RAB7B: variants seen among roughly 807,000 people sequenced by gnomAD.
RAB7B encodes the protein ras-related protein Rab-7b.
intron 5 of RAB7B, among the ~76,000 whole-genome samples, chr1:205,980,602 C>T (rs961240524): frequency 1.5e-4 from 23 of 152,206 alleles, no homozygotes; most frequent in Admixed American, 8.5e-4. Flanking sequence ...CCTCAGTGGC[C>T]TTGCCTTAAG....
chr1:205,981,380 T>G (rs1157774287), intron 5 of RAB7B, among the ~76,000 whole-genome samples: 2 of 152,250 alleles, frequency 1.3e-5, no homozygotes, highest in Non-Finnish European at 2.9e-5. Context: ...GAATGTTAAC[T>G]GAACACCTAC....
chr1:205,994,868 C>A (rs1660783516), intron 1 of RAB7B, among the ~76,000 whole-genome samples: 2 of 152,148 alleles, frequency 1.3e-5, no homozygotes, highest in South Asian at 4.1e-4. Flanking sequence ...AATTATTAAG[C>A]AGTCATTAAA....
At chr1:205,985,088 C>T (rs1173341532) in intron 5 of RAB7B, among the ~76,000 whole-genome samples, 9 of 152,222 alleles carry the variant, frequency 5.9e-5, no homozygotes, top group Non-Finnish European at 1.2e-4. Context: ...CTTGCCGAAC[C>T]TTCGTACCTA....
chr1:205,987,553 C>T (rs1039533424), intron 4 of RAB7B, among the ~76,000 whole-genome samples: 8 of 152,158 alleles, frequency 5.3e-5, no homozygotes, highest in South Asian at 2.1e-4. Context: ...GTATTACTAA[C>T]GTTAATTACT....
chr1:205,990,961 C>T (rs947735428), intron 4 of RAB7B, among the ~76,000 whole-genome samples: 7,441 of 151,762 alleles, frequency 0.049, 616 homozygotes, highest in African/African-American at 0.17. Context: ...TTAGTAGAGG[C>T]GGGGTTTCAC....
chr1:205,982,316 C>A (rs1271107273), intron 5 of RAB7B, among the ~76,000 whole-genome samples: 1 of 152,210 alleles, frequency 6.6e-6, no homozygotes, highest in Non-Finnish European at 1.5e-5. Flanking sequence ...TTTCTCCCTG[C>A]ATTTGATCAT....
At chr1:206,000,988 T>A (rs922150825) in intron 1 of RAB7B, among the ~76,000 whole-genome samples, 1 of 152,174 alleles carries the variant, frequency 6.6e-6, no homozygotes, top group South Asian at 2.1e-4. Context: ...TTCCACCCCC[T>A]CCCTGGTTCC....
At chr1:205,998,802 A>G (rs1660847728) in intron 1 of RAB7B, among the ~76,000 whole-genome samples, 1 of 152,254 alleles carries the variant, frequency 6.6e-6, no homozygotes, top group African/African-American at 2.4e-5. Flanking sequence ...TAATACATTG[A>G]ACACATAGAA....
intron 1 of RAB7B, among the ~76,000 whole-genome samples, chr1:205,999,605 A>G (rs1330590187): frequency 6.6e-6 from 1 of 152,208 alleles, no homozygotes; most frequent in Non-Finnish European, 1.5e-5. Flanking sequence ...TTCTCATTCT[A>G]GGAATCTGTC....
At chr1:206,003,079 C>T (rs1660914249) in intron 1 of RAB7B, among the ~76,000 whole-genome samples, 174 bp downstream of exon 1, 2 of 152,216 alleles carry the variant, frequency 1.3e-5, no homozygotes, top group Non-Finnish European at 2.9e-5. Flanking sequence ...TGCTGCCACA[C>T]CCTGGGAGCT....
intron 4 of RAB7B, among the ~76,000 whole-genome samples, chr1:205,986,037 T>C (rs968288948): frequency 2.6e-5 from 4 of 152,262 alleles, no homozygotes; most frequent in Non-Finnish European, 4.4e-5. Context: ...CTTTGTTGCC[T>C]TCCTAAGGCC....
At chr1:206,001,011 G>A (rs1660881705) in intron 1 of RAB7B, among the ~76,000 whole-genome samples, 1 of 152,168 alleles carries the variant, frequency 6.6e-6, no homozygotes, top group Non-Finnish European at 1.5e-5. Flanking sequence ...TCCCCTAGAT[G>A]CTCACTCAGG....
chr1:205,993,311 G>T, intron 3 of RAB7B, 109 bp downstream of exon 3: 1 of 395,002 alleles, frequency 2.5e-6, no homozygotes. Context: ...GCTCATCTCT[G>T]CTCTAGACCA....
chr1:205,993,789 G>T (rs1394214537), intron 2 of RAB7B, among the ~76,000 whole-genome samples: 1 of 152,222 alleles, frequency 6.6e-6, no homozygotes, highest in Non-Finnish European at 1.5e-5. Flanking sequence ...ATCTCACAGT[G>T]GTGGTCAGGT....
rs1660865105 is a variant in RAB7B at position 205,999,895 on chromosome 1, G to A, written c.-17+3358C>T. On this transcript the variant is annotated intron_variant, in intron 1 of 5. Transcript: ENST00000617070. ...TGATCCTCCCCCCTCAACCTCCCAG[G>A]TAGCTGGGACTACAGGTGTATGCCA... Among the ~76,000 whole-genome samples the A allele has an allele frequency of 2.6e-5, 4 of 152,110 alleles. No homozygotes were observed. In the South Asian group the frequency reaches 6.2e-4, roughly 24 times the overall value.
intron 1 of RAB7B, among the ~76,000 whole-genome samples, chr1:205,998,742 GAATACACA>G (rs1660847001): frequency 6.6e-6 from 1 of 152,172 alleles, no homozygotes. Flanking sequence ...AGGGCTTTGT[GAATACACA>G]AATACACAAT....
At chr1:205,985,349 A>G (rs983185340) in intron 5 of RAB7B, among the ~76,000 whole-genome samples, 191 bp downstream of exon 5, 1 of 152,114 alleles carries the variant, frequency 6.6e-6, no homozygotes, top group East Asian at 1.9e-4. Context: ...GTAGCTTTCT[A>G]CCTCTGGCAT....
Position 206,003,289 on chromosome 1 carries a change from G to A in RAB7B, c.-53C>T, listed in dbSNP as rs934087126. On this transcript the variant is annotated 5_prime_UTR_variant, in exon 1 of 6. Coordinates refer to ENST00000617070, the MANE Select transcript of RAB7B (RefSeq NM_001164522.3). ...TGCAGCACTCGGCCTCCGCTCTGAG[G>A]GCAGCTGGGAGTCCTCTCTCAGTCT... 1.3e-5 allele frequency: 2 copies of A among 152,276 alleles called. No individual in the cohort carries two copies. Among genetic ancestry groups the A allele is most frequent in the Admixed American group, 6.5e-5 (1 of 15,280 alleles). 9.4% of individuals were successfully genotyped at this position (152,276 alleles called of 1,614,324 possible). A position where few individuals can be genotyped will look rare whatever the true frequency, so the allele number is the denominator to read the frequency against.
chr1:205,992,627 G>C lies in RAB7B; in HGVS notation c.249C>G (p.Gly83=). The change falls in exon 4 of 6, where the codon GGC becomes GGG. Residue 83 remains glycine (G), a synonymous_variant. Coordinates refer to ENST00000617070, the MANE Select transcript of RAB7B (RefSeq NM_001164522.3). The part of the protein sequence containing the change: ...MVSTFYKGSD[G]CILAFDVTDL... ...CGGTGACATCAAAAGCTAGGATGCA[G>C]CCATCGGAGCCCTTGTAGAACGTGG... The C allele has an allele frequency of 2.5e-6, 1 of 398,786 alleles. No homozygotes were observed. The highest frequency in any genetic ancestry group is 4.4e-6 in the Non-Finnish European group (1 of 226,166). 24.7% of individuals were successfully genotyped at this position (398,786 alleles called of 1,614,324 possible).
Sources: allele counts gnomAD v4.1 joint callset (sites outside exome capture counted in the v4.1 genomes callset), GRCh38; gene constraint gnomAD v4.1.1; transcripts MANE v1.5; gene names NCBI Gene and HGNC (gene_info 2026-07-23, HGNC 2026-07-21).